The following ATP1B1 variants were observed in gnomAD, a reference collection of about 807,000 sequenced individuals.
ATP1B1 encodes the protein sodium/potassium-transporting ATPase subunit beta-1.
ATP1B1 carries 3 observed loss-of-function variants against 39.6 expected under a neutral mutation model. The observed-to-expected ratio is 0.08, with a 90% CI of 0.03 to 0.20. The LOEUF is 0.20. ATP1B1 is among the 10% of genes least tolerant of loss of function. The probability of loss-of-function intolerance (pLI) is 1.00; values close to 1 mark genes in which losing one functional copy is unlikely to be tolerated. For missense variants in ATP1B1, 216 were observed against 371.1 expected, an observed-to-expected ratio of 0.58 and a Z score of 3.43; for synonymous variants, 139 against 135.0, an observed-to-expected ratio of 1.03 and a Z score of -0.20.
At chr1:169,124,160 C>A (rs10919064) in intron 2 of ATP1B1, among the ~76,000 whole-genome samples, 76,929 of 151,914 alleles carry the variant, frequency 0.51, 19,960 homozygotes, top group East Asian at 0.69. Context: ...ATGAAGGCAG[C>A]GGCTTTTGGA....
intron 2 of ATP1B1, among the ~76,000 whole-genome samples, chr1:169,111,887 C>G (rs919625394): frequency 6.6e-6 from 1 of 152,140 alleles, no homozygotes; most frequent in Non-Finnish European, 1.5e-5. Context: ...TTTTTTACTT[C>G]TTGAGGGGGG....
intron 2 of ATP1B1, among the ~76,000 whole-genome samples, chr1:169,113,341 G>A (rs965993660): frequency 1.1e-4 from 17 of 152,008 alleles, no homozygotes; most frequent in African/African-American, 3.4e-4. Context: ...GCTGGGAGGT[G>A]TGAGCATGAG....
intron 2 of ATP1B1, among the ~76,000 whole-genome samples, chr1:169,121,580 A>C: frequency 6.6e-6 from 1 of 152,178 alleles, no homozygotes; most frequent in East Asian, 1.9e-4. Context: ...TCATACTCAT[A>C]TCAAAGTAAT....
chr1:169,118,711 CTG>C (rs921135851), intron 2 of ATP1B1, among the ~76,000 whole-genome samples: 19 of 152,160 alleles, frequency 1.2e-4, no homozygotes, highest in African/African-American at 2.9e-4. Flanking sequence ...ATTCATACCT[CTG>C]TGTATTTTTT....
intron 3 of ATP1B1, 31 bp downstream of exon 3, chr1:169,125,070 T>A: frequency 1.3e-6 from 2 of 1,563,228 alleles, no homozygotes; most frequent in Non-Finnish European, 1.7e-6. Context: ...TGTCTGTGGC[T>A]AGTTTTCTTT....
intron 4 of ATP1B1, among the ~76,000 whole-genome samples, 171 bp downstream of exon 4, chr1:169,127,579 T>C (rs1272166383): frequency 6.6e-6 from 1 of 152,182 alleles, no homozygotes; most frequent in Admixed American, 6.5e-5. Flanking sequence ...TTCTTGTAGT[T>C]AGGACATTAA....
chr1:169,114,131 G>C (rs1044179266), intron 2 of ATP1B1, among the ~76,000 whole-genome samples: 4 of 147,700 alleles, frequency 2.7e-5, no homozygotes, highest in Admixed American at 2.0e-4. Context: ...TGTGTTGCCT[G>C]AGGACCCTCC....
intron 1 of ATP1B1, 69 bp from the exon 2 acceptor site, chr1:169,111,301 T>C: frequency 6.3e-7 from 1 of 1,591,482 alleles, no homozygotes; most frequent in Non-Finnish European, 8.6e-7. Context: ...TGTTCATCCG[T>C]GGGAAGATTA....
intron 1 of ATP1B1, chr1:169,110,567 C>CTT (rs11423213): frequency 0.017 from 7,390 of 433,774 alleles, 195 homozygotes; most frequent in African/African-American, 0.061. Context: ...TGTGTTGAGT[C>CTT]TTTTTTTTTT....
At chr1:169,108,777 G>T (rs1657662587) in intron 1 of ATP1B1, among the ~76,000 whole-genome samples, 1 of 152,196 alleles carries the variant, frequency 6.6e-6, no homozygotes, top group Admixed American at 6.5e-5. Flanking sequence ...ATGCTGATTT[G>T]TGAATGTAGA....
intron 3 of ATP1B1, among the ~76,000 whole-genome samples, chr1:169,126,331 CTA>C (rs1658085270): frequency 8.2e-6 from 1 of 121,904 alleles, no homozygotes; most frequent in Non-Finnish European, 1.8e-5. Flanking sequence ...AATTTAAAAA[CTA>C]TACATAAATT....
At chr1:169,108,894 G>A (rs949204214) in intron 1 of ATP1B1, among the ~76,000 whole-genome samples, 1 of 152,142 alleles carries the variant, frequency 6.6e-6, no homozygotes, top group Non-Finnish European at 1.5e-5. Flanking sequence ...CCCCTTTCTG[G>A]CAGTGTAAAA....
At chr1:169,124,175 A>C (rs1052072169) in intron 2 of ATP1B1, among the ~76,000 whole-genome samples, 2 of 152,198 alleles carry the variant, frequency 1.3e-5, no homozygotes, top group African/African-American at 4.8e-5. Flanking sequence ...TTTGGATATT[A>C]AAGAATGTAA....
At chr1:169,129,939 G>C in intron 4 of ATP1B1, 71 bp from the exon 5 acceptor site, 1 of 1,458,626 alleles carries the variant, frequency 6.9e-7, no homozygotes, top group Non-Finnish European at 9.5e-7. Context: ...TTGGACTACG[G>C]AGTAGTTTTA....
At chr1:169,116,204 T>G (rs1657843971) in intron 2 of ATP1B1, among the ~76,000 whole-genome samples, 1 of 152,222 alleles carries the variant, frequency 6.6e-6, no homozygotes, top group African/African-American at 2.4e-5. Context: ...CTTCTTCACA[T>G]CCGCCATTGC....
chr1:169,112,659 A>T (rs1326436202), intron 2 of ATP1B1, among the ~76,000 whole-genome samples: 1 of 152,210 alleles, frequency 6.6e-6, no homozygotes, highest in Non-Finnish European at 1.5e-5. Context: ...CAAAATACGG[A>T]GGTGGCAAGC....
chr1:169,132,705 A>AAAAG lies in ATP1B1; in HGVS notation c.*1153_*1156dup. 7.3e-7 allele frequency: 1 copy of AAAAG among 1,361,304 alleles called. No individual in the cohort carries two copies. The highest frequency in any genetic ancestry group is 1.0e-6 in the Non-Finnish European group (1 of 962,296). 84.3% of individuals were successfully genotyped at this position (1,361,304 alleles called of 1,614,324 possible). A position where few individuals can be genotyped will look rare whatever the true frequency, so the allele number is the denominator to read the frequency against. On this transcript the variant is annotated 3_prime_UTR_variant, in exon 6 of 6. Transcript: ENST00000367815. ...CAGTCAGGTTAAAACAACGGACAAT[A>AAAAG]AAAGAATGAACACATTCCTCGTGTG...
intron 3 of ATP1B1, among the ~76,000 whole-genome samples, chr1:169,126,583 C>T (rs1049886049): frequency 3.3e-5 from 5 of 152,128 alleles, no homozygotes; most frequent in East Asian, 1.9e-4. Context: ...GGGTGGCACA[C>T]GCCTGTAGTC....
chr1:169,107,615 G>C (rs1657628880), intron 1 of ATP1B1, among the ~76,000 whole-genome samples: 2 of 152,198 alleles, frequency 1.3e-5, no homozygotes, highest in African/African-American at 4.8e-5. Context: ...GGATCAGTCA[G>C]TAGGTTGGGT....
Sources: gnomAD v4.1 joint callset for allele counts (sites outside exome capture counted in the v4.1 genomes callset) on GRCh38, gnomAD v4.1.1 for gene constraint, MANE v1.5 for transcripts, NCBI Gene and HGNC (gene_info 2026-07-23, HGNC 2026-07-21) for gene names.